Variants in CSMD1 observed in about 807,000 individuals in gnomAD.
The protein encoded by CSMD1 is CUB and Sushi multiple domains 1.
A neutral mutation model predicts 417.5 loss-of-function variants in CSMD1; 213 were observed. That is an observed-to-expected ratio of 0.51 (90% confidence interval 0.46 to 0.57). CSMD1 has a LOEUF of 0.57. Among genes scored for constraint, CSMD1 ranks in the 20% least tolerant of loss-of-function variants. The pLI, the probability that CSMD1 is intolerant of heterozygous loss-of-function variation, is 0.00. For synonymous variants in CSMD1, 2,862 were observed against 1,736.8 expected, an observed-to-expected ratio of 1.65 and a Z score of -16.11; for missense variants, 6,923 against 4,529.7, an observed-to-expected ratio of 1.53 and a Z score of -15.17.
At chr8:4,422,889 A>G (rs781099757) in intron 2 of CSMD1, among the ~76,000 whole-genome samples, 1 of 152,078 alleles carries the variant, frequency 6.6e-6, no homozygotes, top group Admixed American at 6.6e-5. Flanking sequence ...AAATTAATCC[A>G]TATAATCTGC....
chr8:3,630,958 C>A (rs956613771), intron 7 of CSMD1, among the ~76,000 whole-genome samples: 2 of 152,282 alleles, frequency 1.3e-5, no homozygotes, highest in African/African-American at 4.8e-5. Flanking sequence ...AGAGATGAGA[C>A]TGAAAAGCAT....
At chr8:4,587,069 A>G (rs1270318967) in intron 2 of CSMD1, among the ~76,000 whole-genome samples, 2 of 152,182 alleles carry the variant, frequency 1.3e-5, no homozygotes, top group Non-Finnish European at 2.9e-5. Context: ...TCCATGAAAC[A>G]TTGCTTTTAC....
intron 10 of CSMD1, among the ~76,000 whole-genome samples, chr8:3,560,474 T>C (rs1799422178): frequency 6.6e-6 from 1 of 152,144 alleles, no homozygotes; most frequent in African/African-American, 2.4e-5. Flanking sequence ...CCAGACTGAT[T>C]CTTCTCATGC....
intron 54 of CSMD1, among the ~76,000 whole-genome samples, chr8:2,984,640 C>A (rs1805712959): frequency 6.6e-6 from 1 of 152,234 alleles, no homozygotes; most frequent in African/African-American, 2.4e-5. Flanking sequence ...AGCCACCGCG[C>A]CTCGCCTCAT....
rs188610203 is a variant in CSMD1, at chr8:3,995,762, T to C, written c.818+2141A>G. Among the ~76,000 whole-genome samples the C allele has an allele frequency of 2.1e-3, 322 of 152,320 alleles. 2 individuals are homozygous for C. Among genetic ancestry groups the C allele is most frequent in the African/African-American group, 7.2e-3 (301 of 41,578 alleles). Reference sequence around the variant, plus strand: ...AGGACAATATAAGTCATCCCAAGAATACAAGTATAAATACAACTCTATCCC... The same window carrying C: ...AGGACAATATAAGTCATCCCAAGAACACAAGTATAAATACAACTCTATCCC... On this transcript the variant is annotated intron_variant, in intron 5 of 69. Coordinates refer to ENST00000635120, the MANE Select transcript of CSMD1 (RefSeq NM_033225.6).
chr8:4,978,233 G>A (rs761452446), intron 1 of CSMD1, among the ~76,000 whole-genome samples: 1 of 152,222 alleles, frequency 6.6e-6, no homozygotes, highest in South Asian at 2.1e-4. Context: ...AACCTTTTAA[G>A]ATATAATTGC....
intron 3 of CSMD1, among the ~76,000 whole-genome samples, chr8:4,048,781 G>A (rs1262823761): frequency 6.6e-6 from 1 of 152,256 alleles, no homozygotes; most frequent in East Asian, 1.9e-4. Flanking sequence ...TGTGTTACAT[G>A]AATGTTATTA....
At chr8:4,561,167 C>G (rs1251918869) in intron 2 of CSMD1, among the ~76,000 whole-genome samples, 1 of 152,124 alleles carries the variant, frequency 6.6e-6, no homozygotes, top group Non-Finnish European at 1.5e-5. Flanking sequence ...GTCAGGAGAT[C>G]AAGACCATCC....
At chr8:4,204,572 G>C (rs888823744) in intron 3 of CSMD1, among the ~76,000 whole-genome samples, 5 of 152,120 alleles carry the variant, frequency 3.3e-5, no homozygotes, top group Non-Finnish European at 2.9e-5. Flanking sequence ...TATACTGAGA[G>C]GAAGATTCAA....
intron 2 of CSMD1, among the ~76,000 whole-genome samples, chr8:4,615,367 TTCTTA>T (rs1478661056): frequency 1.1e-4 from 17 of 152,220 alleles, no homozygotes; most frequent in Admixed American, 3.3e-4. Context: ...ATGGTGTTTC[TTCTTA>T]TCTTAACATA....
At chr8:3,037,604 T>C (rs1013922043) in intron 50 of CSMD1, among the ~76,000 whole-genome samples, 5 of 152,144 alleles carry the variant, frequency 3.3e-5, no homozygotes, top group African/African-American at 1.2e-4. Flanking sequence ...TTCTTTTGGG[T>C]AGATGCCCCG....
intron 1 of CSMD1, among the ~76,000 whole-genome samples, chr8:4,797,813 G>A (rs537848363): frequency 3.9e-4 from 59 of 152,198 alleles, no homozygotes; most frequent in African/African-American, 1.3e-3. Context: ...TTGTGCTCAT[G>A]TAACAAAAAA....
rs1819827805 is a variant in CSMD1, at chr8:3,160,627, A to ATACATTATAAT, written c.5844+1531_5844+1532insATTATAATGTA. ...TACAATTATTGTGGTACCCACCAAGATGGTGTTATAATGTAAGTGGTAGGT... is the reference window on the plus strand; with the variant it reads ...TACAATTATTGTGGTACCCACCAAGATACATTATAATTGGTGTTATAATGTAAGTGGTAGGT... On this transcript the variant is annotated intron_variant, in intron 38 of 69. Transcript: ENST00000635120. 2.0e-5 allele frequency among the ~76,000 whole-genome samples: 3 copies of ATACATTATAAT among 152,292 alleles called. No homozygotes were observed. The South Asian group carries it at 6.2e-4, about 32-fold the overall frequency.
At chr8:4,480,398 A>C (rs1801033587) in intron 2 of CSMD1, among the ~76,000 whole-genome samples, 1 of 152,188 alleles carries the variant, frequency 6.6e-6, no homozygotes, top group African/African-American at 2.4e-5. Flanking sequence ...CCTTAATTTA[A>C]GTTTGTAAAG....
At chr8:4,947,222 T>C (rs1384577497) in intron 1 of CSMD1, among the ~76,000 whole-genome samples, 1 of 152,182 alleles carries the variant, frequency 6.6e-6, no homozygotes, top group Non-Finnish European at 1.5e-5. Context: ...TTTTTAAATG[T>C]TGTCTGACTT....
intron 3 of CSMD1, among the ~76,000 whole-genome samples, chr8:4,226,067 GACACACACACACACACACACACAC>G (rs67767005): frequency 5.8e-4 from 84 of 143,602 alleles, no homozygotes; most frequent in African/African-American, 2.1e-3. Context: ...CTGACAGGCG[GACACACACACACACACACACACAC>G]ACACACACAC....
chr8:3,566,301 G>A (rs915854491), intron 10 of CSMD1, among the ~76,000 whole-genome samples: 2 of 152,124 alleles, frequency 1.3e-5, no homozygotes, highest in Non-Finnish European at 2.9e-5. Context: ...TTAGTATTTG[G>A]CAAATAATAT....
intron 3 of CSMD1, among the ~76,000 whole-genome samples, chr8:4,273,993 A>G (rs1321298578): frequency 1.3e-5 from 2 of 152,158 alleles, no homozygotes; most frequent in Non-Finnish European, 2.9e-5. Context: ...TATCAGTGAT[A>G]ACCGCATGCA....
intron 25 of CSMD1, among the ~76,000 whole-genome samples, chr8:3,305,602 C>A (rs964637875): frequency 2.6e-5 from 4 of 151,706 alleles, no homozygotes; most frequent in Admixed American, 1.3e-4. Context: ...CATGTGGACT[C>A]ATCATCTGCC....
Sources: gnomAD v4.1 joint callset for allele counts (sites outside exome capture counted in the v4.1 genomes callset) on GRCh38, gnomAD v4.1.1 for gene constraint, MANE v1.5 for transcripts, NCBI Gene and HGNC (gene_info 2026-07-23, HGNC 2026-07-21) for gene names.